Variants in DOCK10 observed in about 807,000 individuals in gnomAD.
DOCK10 encodes the protein dedicator of cytokinesis 10, also known as dedicator of cytokinesis protein 10.
Under a neutral mutation model 280.1 loss-of-function variants are expected in DOCK10, and 145 were observed. That is an observed-to-expected ratio of 0.52 (90% CI 0.45 to 0.59). The LOEUF is 0.59. Ranked by LOEUF, DOCK10 falls within the 20% of genes least tolerant of loss-of-function variation. DOCK10 has a pLI of 0.00. For missense variants in DOCK10, 2,368 were observed against 2,651.7 expected, an observed-to-expected ratio of 0.89 and a Z score of 2.35; for synonymous variants, 915 against 942.2, an observed-to-expected ratio of 0.97 and a Z score of 0.53.
At chr2:224,879,207 A>C (rs1197146164) in intron 7 of DOCK10, among the ~76,000 whole-genome samples, 2 of 152,194 alleles carry the variant, frequency 1.3e-5, no homozygotes, top group Non-Finnish European at 2.9e-5. Context: ...GTGCAAAGCA[A>C]ACATCTAGGC....
intron 22 of DOCK10, among the ~76,000 whole-genome samples, chr2:224,842,822 C>T (rs541018009): frequency 1.3e-5 from 2 of 152,144 alleles, no homozygotes; most frequent in Admixed American, 1.3e-4. Context: ...GAGGCCAGCA[C>T]GACACCACTA....
chr2:224,765,272 AT>A lies in DOCK10; in HGVS notation c.*448del, dbSNP rs1443219902. On this transcript the variant is annotated 3_prime_UTR_variant, in exon 56 of 56. Coordinates refer to ENST00000258390, the MANE Select transcript of DOCK10 (RefSeq NM_014689.3). ...TTAATATAATGGTATCTGAAATGTT[AT>A]TCATATATTTTTAGTACTGTCATAG... is the stretch of plus-strand genomic sequence containing the variant. 2 of 153,068 alleles carry A rather than the reference AT, an allele frequency of 1.3e-5. No homozygotes were observed. The highest frequency in any genetic ancestry group is 4.8e-5 in the African/African-American group (2 of 41,474). 9.5% of individuals were successfully genotyped at this position (153,068 alleles called of 1,614,324 possible). A position where few individuals can be genotyped will look rare whatever the true frequency, so the allele number is the denominator to read the frequency against.
intron 1 of DOCK10, 72 bp from the exon 2 acceptor site, chr2:224,931,740 CAT>C: frequency 6.8e-7 from 1 of 1,464,688 alleles, no homozygotes; most frequent in Non-Finnish European, 9.1e-7. Flanking sequence ...GGTTGGATTT[CAT>C]CTCTTAGTTA....
chr2:224,916,574 G>T (rs1701335831), intron 3 of DOCK10, 121 bp downstream of exon 3: 20 of 509,266 alleles, frequency 3.9e-5, no homozygotes, highest in Non-Finnish European at 5.8e-5. Flanking sequence ...ACATCCACTA[G>T]TTAGAATATT....
At chr2:224,938,008 G>A (rs1251546776) in intron 1 of DOCK10, among the ~76,000 whole-genome samples, 2 of 152,158 alleles carry the variant, frequency 1.3e-5, no homozygotes, top group Admixed American at 6.5e-5. Context: ...ACTGAGGACC[G>A]CATATCTGGT....
chr2:224,931,560 C>T lies in DOCK10; in HGVS notation c.232G>A (p.Asp78Asn). Residue 78 changes from aspartate to asparagine, a missense_variant, in exon 2 of 56, where the codon GAT (aspartate) becomes AAT (asparagine). This residue lies in a region of DOCK10 where 1,209 missense variants were observed against 1,250.9 expected (regional missense o/e 0.97). Transcript: ENST00000258390. ...AAGAGAAGACTTACTGAAAAGTCAT[C>T]ACTGGGGAAGAACAAGAGATCTTGA... ...PLQDLLFFPS[D>N]DFSAATVSWD... 1 of 1,609,038 alleles carries T rather than the reference C, an allele frequency of 6.2e-7. No homozygotes were observed. The highest frequency in any genetic ancestry group is 1.1e-5 in the South Asian group (1 of 89,978).
intron 8 of DOCK10, 45 bp from the exon 9 acceptor site, chr2:224,874,796 G>T: frequency 1.3e-6 from 2 of 1,536,848 alleles, no homozygotes; most frequent in Non-Finnish European, 9.0e-7. Flanking sequence ...TTACTCACGA[G>T]TCACACATTC....
intron 3 of DOCK10, among the ~76,000 whole-genome samples, chr2:224,898,169 C>T (rs1444683485): frequency 6.6e-6 from 1 of 152,074 alleles, no homozygotes; most frequent in Non-Finnish European, 1.5e-5. Flanking sequence ...GAAAGGTGGA[C>T]GGAGAACACA....
intron 31 of DOCK10, 142 bp from the exon 32 acceptor site, chr2:224,808,228 G>T: frequency 1.3e-6 from 1 of 761,594 alleles, no homozygotes; most frequent in Non-Finnish European, 2.1e-6. Flanking sequence ...CAGAAATGAG[G>T]TGTGTTGTAT....
chr2:224,933,617 C>A (rs1357380795), intron 1 of DOCK10, among the ~76,000 whole-genome samples: 4 of 152,182 alleles, frequency 2.6e-5, no homozygotes, highest in Admixed American at 2.6e-4. Flanking sequence ...TTTCAGGAAG[C>A]TCTTACGTCT....
chr2:224,868,692 T>G (rs1405245852), intron 11 of DOCK10, among the ~76,000 whole-genome samples: 3 of 152,128 alleles, frequency 2.0e-5, no homozygotes, highest in Non-Finnish European at 4.4e-5. Flanking sequence ...AGAAAAAAGT[T>G]TTTGCATATA....
At chr2:224,804,962 T>C in intron 37 of DOCK10, 96 bp downstream of exon 37, 1 of 1,265,068 alleles carries the variant, frequency 7.9e-7, no homozygotes, top group South Asian at 1.5e-5. Flanking sequence ...ATATTATTGA[T>C]AACTTACTAT....
chr2:224,773,247 C>T lies in DOCK10; in HGVS notation c.6114G>A (p.Lys2038=). ...AAAGCTGATTAAGCTCAGAAACCTT[C>T]TTGGACATCTCGTCAATTGCCACTT... The part of the protein sequence containing the change: ...PIEVAIDEMS[K]KVSELNQLCT... Residue 2038 remains lysine (K), a synonymous_variant, in exon 53 of 56, where the codon AAG becomes AAA. Transcript: ENST00000258390. 2 of 1,613,978 alleles carry T rather than the reference C, an allele frequency of 1.2e-6. No individual in the cohort carries two copies. Among genetic ancestry groups the T allele is most frequent in the Non-Finnish European group, 1.7e-6 (2 of 1,179,886 alleles).
At chr2:224,882,991 C>T (rs1009804199) in intron 7 of DOCK10, among the ~76,000 whole-genome samples, 4 of 152,168 alleles carry the variant, frequency 2.6e-5, no homozygotes, top group Non-Finnish European at 5.9e-5. Context: ...CTGGTCCCTG[C>T]CTCTACAAAG....
chr2:224,961,396 T>TTTTC (rs796745143), intron 1 of DOCK10, among the ~76,000 whole-genome samples: 6 of 113,008 alleles, frequency 5.3e-5, no homozygotes, highest in South Asian at 2.7e-4. Flanking sequence ...CATAGCAGCA[T>TTTTC]TTTCTTTCTT....
chr2:224,896,172 T>A, intron 4 of DOCK10, 123 bp downstream of exon 4: 1 of 537,262 alleles, frequency 1.9e-6, no homozygotes, highest in Non-Finnish European at 3.2e-6. Flanking sequence ...TACTTATACA[T>A]TTTGGAAAAT....
intron 1 of DOCK10, among the ~76,000 whole-genome samples, chr2:225,009,000 G>C (rs1367846310): frequency 6.6e-6 from 1 of 152,110 alleles, no homozygotes; most frequent in Non-Finnish European, 1.5e-5. Flanking sequence ...TAAGATGAAG[G>C]CTCTACTGGT....
At chr2:224,932,824 A>G (rs749709246) in intron 1 of DOCK10, among the ~76,000 whole-genome samples, 1 of 152,242 alleles carries the variant, frequency 6.6e-6, no homozygotes, top group Non-Finnish European at 1.5e-5. Context: ...ATAAGGCCCT[A>G]GGAACTTTCA....
At chr2:225,000,633 G>A (rs1413198843) in intron 1 of DOCK10, among the ~76,000 whole-genome samples, 1 of 152,194 alleles carries the variant, frequency 6.6e-6, no homozygotes, top group East Asian at 1.9e-4. Flanking sequence ...AGCCAGCCAT[G>A]CTTCTGTGTC....
Sources: allele counts gnomAD v4.1 joint callset (sites outside exome capture counted in the v4.1 genomes callset), GRCh38; gene constraint gnomAD v4.1.1; regional missense constraint gnomAD v4.1.1; transcripts MANE v1.5; gene names NCBI Gene and HGNC (gene_info 2026-07-23, HGNC 2026-07-21).